ACTR3C: variants seen among roughly 807,000 people sequenced by gnomAD.
The protein encoded by ACTR3C is actin related protein 3C.
In ACTR3C, 18 loss-of-function variants were observed where a neutral mutation model predicts 26.3. The observed-to-expected ratio is 0.68, with a 90% confidence interval of 0.47 to 1.01. The LOEUF (loss-of-function observed/expected upper bound fraction) is 1.01. Ranked by LOEUF, ACTR3C falls within the 50% of genes least tolerant of loss-of-function variation. The pLI, the probability that ACTR3C is intolerant of heterozygous loss-of-function variation, is 0.00. For synonymous variants in ACTR3C, 55 were observed against 94.5 expected (o/e 0.58, Z 2.42); for missense variants, 184 against 250.7 (o/e 0.73, Z 1.80).
chr7:150,269,110 C>T (rs1247241019), intron 6 of ACTR3C, among the ~76,000 whole-genome samples: 1 of 34,838 alleles, frequency 2.9e-5, no homozygotes, highest in African/African-American at 1.7e-4. Context: ...CCCCTCACCC[C>T]GCCGCCGACA....
chr7:149,914,047 G>A, the ACTR3C span, among the ~76,000 whole-genome samples: 9 of 151,538 alleles, frequency 5.9e-5, no homozygotes, highest in Non-Finnish European at 1.2e-4. Context: ...CATCACACCC[G>A]GCTAAGTTTT....
the ACTR3C span, among the ~76,000 whole-genome samples, chr7:149,893,196 G>A: frequency 1.3e-5 from 2 of 152,074 alleles, no homozygotes; most frequent in African/African-American, 2.4e-5. Context: ...ATCAGGTCTC[G>A]ACATCAACAC....
At chr7:150,291,913 C>A (rs780380245) in intron 3 of ACTR3C, among the ~76,000 whole-genome samples, 5 of 151,514 alleles carry the variant, frequency 3.3e-5, no homozygotes, top group Non-Finnish European at 5.9e-5. Flanking sequence ...CTCCTCCCCA[C>A]AGGAAGGACA....
At chr7:150,319,481 A>G (rs1047108795) in intron 1 of ACTR3C, among the ~76,000 whole-genome samples, 6 of 152,176 alleles carry the variant, frequency 3.9e-5, no homozygotes, top group African/African-American at 1.4e-4. Flanking sequence ...TGCTGGGATT[A>G]TAGGCATGAG....
intron 4 of ACTR3C, among the ~76,000 whole-genome samples, chr7:150,287,084 T>C (rs1835839208): frequency 6.6e-6 from 1 of 152,050 alleles, no homozygotes; most frequent in South Asian, 2.1e-4. Context: ...GCCACAGCAC[T>C]GTCATCAGCT....
chr7:150,033,926 C>A, the ACTR3C span, among the ~76,000 whole-genome samples: 3 of 149,662 alleles, frequency 2.0e-5, no homozygotes, highest in Non-Finnish European at 4.4e-5. Context: ...AGGGGTGCCT[C>A]CCCCCCTGCG....
the ACTR3C span, among the ~76,000 whole-genome samples, chr7:150,174,409 C>A: frequency 1.4e-5 from 2 of 139,472 alleles, no homozygotes; most frequent in Non-Finnish European, 3.0e-5. Context: ...GACTGGCCCC[C>A]ATGATTCAGT....
chr7:150,026,745 T>C, the ACTR3C span, among the ~76,000 whole-genome samples: 3 of 152,126 alleles, frequency 2.0e-5, no homozygotes, highest in African/African-American at 4.8e-5. Context: ...TAATTAATTA[T>C]GTCATTCAGG....
the ACTR3C span, among the ~76,000 whole-genome samples, chr7:150,176,091 C>T: frequency 6.1e-4 from 92 of 150,688 alleles, 5 homozygotes; most frequent in African/African-American, 2.2e-3. Context: ...ATCAATGAAA[C>T]CCCAACAAAA....
At chr7:149,949,142 C>A in the ACTR3C span, among the ~76,000 whole-genome samples, 2 of 145,370 alleles carry the variant, frequency 1.4e-5, no homozygotes, top group Admixed American at 6.7e-5. Flanking sequence ...ATGGTGAAAC[C>A]CTTTCTCTAT....
the ACTR3C span, among the ~76,000 whole-genome samples, chr7:149,921,460 T>C: frequency 6.6e-6 from 1 of 152,376 alleles, no homozygotes; most frequent in East Asian, 1.9e-4. Context: ...TCTTTCCTTA[T>C]GGATGTCAGC....
the ACTR3C span, among the ~76,000 whole-genome samples, chr7:149,899,889 A>G: frequency 2.6e-5 from 2 of 75,950 alleles, no homozygotes; most frequent in South Asian, 1.7e-3. Flanking sequence ...CAAACTTCTA[A>G]AAACTAAAGA....
At chr7:150,005,373 A>T in the ACTR3C span, among the ~76,000 whole-genome samples, 1 of 152,216 alleles carries the variant, frequency 6.6e-6, no homozygotes, top group Non-Finnish European at 1.5e-5. Context: ...CCAGCCCATC[A>T]TCCCAATCAC....
the ACTR3C span, among the ~76,000 whole-genome samples, chr7:150,011,101 C>G: frequency 6.6e-6 from 1 of 151,616 alleles, no homozygotes; most frequent in African/African-American, 2.4e-5. Context: ...CACCCAGGGT[C>G]TCTGAATTTC....
chr7:149,991,495 C>G, the ACTR3C span, among the ~76,000 whole-genome samples: 3 of 152,180 alleles, frequency 2.0e-5, no homozygotes, highest in Non-Finnish European at 4.4e-5. Context: ...AGTGAGCAGC[C>G]TTGGCAGGCC....
At chr7:150,037,939 G>T in the ACTR3C span, among the ~76,000 whole-genome samples, 1 of 138,688 alleles carries the variant, frequency 7.2e-6, no homozygotes, top group African/African-American at 2.7e-5. Context: ...CTCCCCCCCT[G>T]CGATGGCGGT....
chr7:150,231,327 A>G, the ACTR3C span, among the ~76,000 whole-genome samples: 1 of 152,106 alleles, frequency 6.6e-6, no homozygotes, highest in Admixed American at 6.6e-5. Flanking sequence ...TTGGAGGTGG[A>G]TCTCTCCTGA....
the ACTR3C span, among the ~76,000 whole-genome samples, chr7:150,067,018 G>C: frequency 6.6e-6 from 1 of 152,146 alleles, no homozygotes; most frequent in Non-Finnish European, 1.5e-5. Context: ...GCAACTGCTG[G>C]TCTAGCTTAT....
chr7:149,956,505 G>C, the ACTR3C span, among the ~76,000 whole-genome samples: 1 of 152,190 alleles, frequency 6.6e-6, no homozygotes, highest in Non-Finnish European at 1.5e-5. Flanking sequence ...CTATACTATA[G>C]TGAAGTGTTA....
Sources: allele counts gnomAD v4.1 joint callset (sites outside exome capture counted in the v4.1 genomes callset), GRCh38; gene constraint gnomAD v4.1.1; transcripts MANE v1.5; gene names NCBI Gene and HGNC (gene_info 2026-07-23, HGNC 2026-07-21).